The following WDR27 variants were observed in gnomAD, a reference collection of about 807,000 sequenced individuals.
WDR27 encodes the protein WD repeat-containing protein 27.
In WDR27, 100 loss-of-function variants were observed where a neutral mutation model predicts 114.4. The ratio of observed to expected loss-of-function variants is 0.87; its 90% CI spans 0.74 to 1.03. The LOEUF is 1.03. WDR27 is among the 50% of genes least tolerant of loss of function. WDR27 has a pLI of 0.00. For missense variants in WDR27, 1,129 were observed against 1,092.9 expected, an observed-to-expected ratio of 1.03 and a Z score of -0.47; for synonymous variants, 449 against 423.1, an observed-to-expected ratio of 1.06 and a Z score of -0.75.
chr6:169,579,805 C>G (rs183876971), intron 24 of WDR27, among the ~76,000 whole-genome samples: 1 of 152,310 alleles, frequency 6.6e-6, no homozygotes, highest in Admixed American at 6.5e-5. Context: ...GTGCAGCTAC[C>G]GTTCTGCTAC....
chr6:169,643,502 C>T (rs1329786991), intron 17 of WDR27, among the ~76,000 whole-genome samples, 195 bp downstream of exon 17: 5 of 152,208 alleles, frequency 3.3e-5, no homozygotes, highest in African/African-American at 1.2e-4. Flanking sequence ...AGTGCTGCCA[C>T]GCTGTTCTCA....
At chr6:169,682,445 G>T (rs1214620472) in intron 2 of WDR27, among the ~76,000 whole-genome samples, 1 of 152,172 alleles carries the variant, frequency 6.6e-6, no homozygotes, top group African/African-American at 2.4e-5. Context: ...GTCCATCTGG[G>T]CCAGAAAGCT....
intron 23 of WDR27, among the ~76,000 whole-genome samples, chr6:169,600,752 G>C (rs1807813718): frequency 6.6e-6 from 1 of 152,162 alleles, no homozygotes; most frequent in East Asian, 1.9e-4. Flanking sequence ...AGTGAAAAGA[G>C]AAGTTTAGAG....
intron 22 of WDR27, among the ~76,000 whole-genome samples, chr6:169,606,834 T>A (rs144500859): frequency 0.021 from 3,244 of 152,298 alleles, 73 homozygotes; most frequent in East Asian, 0.088. Context: ...TACCCAGTAA[T>A]GGGATTGCTG....
chr6:169,483,001 C>A (rs913781526), intron 25 of WDR27, among the ~76,000 whole-genome samples: 2 of 152,080 alleles, frequency 1.3e-5, no homozygotes, highest in African/African-American at 4.8e-5. Flanking sequence ...AACAAAGATA[C>A]AACATACCAG....
intron 25 of WDR27, among the ~76,000 whole-genome samples, chr6:169,489,532 C>T (rs1285731062): frequency 6.6e-6 from 1 of 152,064 alleles, no homozygotes; most frequent in East Asian, 1.9e-4. Context: ...CTACAGATTT[C>T]GGAGAAAGAA....
At chr6:169,546,199 A>G (rs939147981) in intron 25 of WDR27, among the ~76,000 whole-genome samples, 1 of 152,212 alleles carries the variant, frequency 6.6e-6, no homozygotes, top group Non-Finnish European at 1.5e-5. Context: ...GGGTATGGTC[A>G]CTCTGAACAC....
At chr6:169,697,122 TGA>T (rs1372562242) in intron 1 of WDR27, among the ~76,000 whole-genome samples, 33 of 152,200 alleles carry the variant, frequency 2.2e-4, no homozygotes, top group Admixed American at 3.9e-4. Context: ...TGATTACATA[TGA>T]ATATCATTAA....
intron 25 of WDR27, among the ~76,000 whole-genome samples, chr6:169,487,898 T>C (rs1318295625): frequency 6.6e-6 from 1 of 152,202 alleles, no homozygotes; most frequent in Non-Finnish European, 1.5e-5. Flanking sequence ...TAGTCTAATT[T>C]GCTTGAAACT....
At chr6:169,638,342 A>AAC (rs1818240217) in intron 18 of WDR27, among the ~76,000 whole-genome samples, 197 bp downstream of exon 18, 1 of 149,288 alleles carries the variant, frequency 6.7e-6, no homozygotes, top group Non-Finnish European at 1.5e-5. Context: ...AAAAAAAAAA[A>AAC]AAAAAAAAAG....
chr6:169,491,896 T>G (rs1789813209), intron 25 of WDR27, among the ~76,000 whole-genome samples: 1 of 151,402 alleles, frequency 6.6e-6, no homozygotes, highest in Non-Finnish European at 1.5e-5. Context: ...AACTGCAAAA[T>G]CAAGTAGGAA....
intron 25 of WDR27, among the ~76,000 whole-genome samples, chr6:169,528,626 A>G (rs972687673): frequency 2.0e-5 from 3 of 152,222 alleles, no homozygotes; most frequent in African/African-American, 7.2e-5. Context: ...TCTCAGGTTC[A>G]AGAGATTCTT....
At chr6:169,582,007 T>C (rs1164761679) in intron 24 of WDR27, among the ~76,000 whole-genome samples, 1 of 152,196 alleles carries the variant, frequency 6.6e-6, no homozygotes, top group Non-Finnish European at 1.5e-5. Flanking sequence ...AGAGTCTCAT[T>C]TTGTTGCCCA....
intron 25 of WDR27, among the ~76,000 whole-genome samples, chr6:169,482,238 G>C (rs762863711): frequency 6.6e-6 from 1 of 152,136 alleles, no homozygotes; most frequent in African/African-American, 2.4e-5. Context: ...TTGCTATTGT[G>C]AGTAGTGCTG....
chr6:169,660,510 A>G (rs937717167), intron 10 of WDR27, among the ~76,000 whole-genome samples, 153 bp downstream of exon 10: 12 of 152,206 alleles, frequency 7.9e-5, no homozygotes, highest in African/African-American at 2.9e-4. Context: ...CCAGCAGCAC[A>G]GAGGTGCTCA....
At chr6:169,681,358 A>G (rs1182988432) in intron 2 of WDR27, among the ~76,000 whole-genome samples, 4 of 152,182 alleles carry the variant, frequency 2.6e-5, no homozygotes, top group African/African-American at 9.7e-5. Context: ...GCACCCATCC[A>G]TGGTCCAAAG....
the WDR27 span, among the ~76,000 whole-genome samples, chr6:169,433,705 C>T: frequency 6.6e-6 from 1 of 152,318 alleles, no homozygotes; most frequent in African/African-American, 2.4e-5. Context: ...ACACTCCCAC[C>T]AACTGTGTAA....
At chr6:169,484,089 G>C (rs1484272286) in intron 25 of WDR27, among the ~76,000 whole-genome samples, 1 of 152,130 alleles carries the variant, frequency 6.6e-6, no homozygotes, top group African/African-American at 2.4e-5. Context: ...ACAAAAGCTG[G>C]AAGCATTCCC....
chr6:169,598,387 T>A (rs892277179), intron 23 of WDR27, among the ~76,000 whole-genome samples: 2 of 152,146 alleles, frequency 1.3e-5, no homozygotes, highest in Admixed American at 1.3e-4. Context: ...TTCTGCATAA[T>A]CACACAGCAC....
Sources: gnomAD v4.1 joint callset for allele counts (sites outside exome capture counted in the v4.1 genomes callset) on GRCh38, gnomAD v4.1.1 for gene constraint, MANE v1.5 for transcripts, NCBI Gene and HGNC (gene_info 2026-07-23, HGNC 2026-07-21) for gene names.